Variants in GRAMD1B observed in about 807,000 individuals in gnomAD.
The protein encoded by GRAMD1B is protein Aster-B.
A neutral mutation model predicts 99.7 loss-of-function variants in GRAMD1B; 37 were observed. The ratio of observed to expected loss-of-function variants is 0.37; its 90% CI spans 0.29 to 0.49. GRAMD1B has a LOEUF of 0.49. Ranked by LOEUF, GRAMD1B falls within the 20% of genes least tolerant of loss-of-function variation. The pLI, the probability that GRAMD1B is intolerant of heterozygous loss-of-function variation, is 0.98. For missense variants in GRAMD1B, 888 were observed against 1,009.2 expected, an observed-to-expected ratio of 0.88 and a Z score of 1.63; for synonymous variants, 427 against 387.6, an observed-to-expected ratio of 1.10 and a Z score of -1.19.
intron 2 of GRAMD1B, among the ~76,000 whole-genome samples, chr11:123,576,342 C>T (rs562439650): frequency 2.0e-5 from 3 of 152,216 alleles, no homozygotes; most frequent in Non-Finnish European, 2.9e-5. Context: ...CCAGCAGCCC[C>T]GTGCAGGCTT....
At chr11:123,408,678 A>T (rs978536838) in intron 1 of GRAMD1B, among the ~76,000 whole-genome samples, 1 of 152,258 alleles carries the variant, frequency 6.6e-6, no homozygotes, top group African/African-American at 2.4e-5. Context: ...AAGACTACCT[A>T]TGTGCTTAGG....
At chr11:123,482,305 G>C (rs11219167) in intron 2 of GRAMD1B, among the ~76,000 whole-genome samples, 12,579 of 152,020 alleles carry the variant, frequency 0.083, 692 homozygotes, top group South Asian at 0.16. Flanking sequence ...CCCCATGTTG[G>C]TCAGGCTGGT....
At chr11:123,533,394 T>G (rs1051401558) in intron 2 of GRAMD1B, among the ~76,000 whole-genome samples, 1 of 152,138 alleles carries the variant, frequency 6.6e-6, no homozygotes, top group African/African-American at 2.4e-5. Context: ...TAACATTTAA[T>G]TCACTCTATA....
At chr11:123,583,444 G>A (rs117432293) in intron 3 of GRAMD1B, among the ~76,000 whole-genome samples, 2,028 of 152,098 alleles carry the variant, frequency 0.013, 42 homozygotes, top group Non-Finnish European at 0.02. Context: ...GTATTTGTGC[G>A]TGTATGTGTA....
Position 123,614,811 on chromosome 11 carries a change from A to T in GRAMD1B, c.2294A>T (p.Lys765Met). The stretch of plus-strand genomic sequence containing the variant: ...GGTTTCCACCTGCAGAGCGTGTCCA[A>T]GCTGCTGCTGGTTATCAGCTGTGTG... The part of the protein sequence containing the change: ...PNGFHLQSVS[K>M]LLLVISCVLV... The change falls in exon 17 of 20, where the codon AAG (lysine) becomes ATG (methionine). Residue 765 changes from lysine (K) to methionine (M), a missense_variant. Physicochemically the swap from Lys to Met is moderately conservative, Grantham distance 95. This residue lies in a region of GRAMD1B where 232 missense variants were observed against 261.7 expected (regional missense o/e 0.89). Transcript: ENST00000635736. 1 of 1,610,424 alleles carries T rather than the reference A, an allele frequency of 6.2e-7. No homozygotes were observed. Among genetic ancestry groups the T allele is most frequent in the Non-Finnish European group, 8.5e-7 (1 of 1,176,854 alleles).
At chr11:123,481,389 G>T (rs35384622) in intron 2 of GRAMD1B, among the ~76,000 whole-genome samples, 3 of 152,192 alleles carry the variant, frequency 2.0e-5, no homozygotes, top group African/African-American at 7.2e-5. Flanking sequence ...GGGAGGCAGA[G>T]GTTGCAGTGA....
intron 1 of GRAMD1B, among the ~76,000 whole-genome samples, chr11:123,424,375 T>C (rs1456168847): frequency 6.6e-6 from 1 of 152,160 alleles, no homozygotes. Flanking sequence ...CTCGCACCTG[T>C]AATCCCAGCA....
In GRAMD1B at chr11:123,430,959, T is replaced by G. The variant is rs536434471; in HGVS notation, c.167T>G (p.Leu56Arg). The G allele has an allele frequency of 1.4e-6, 1 of 702,670 alleles. No individual in the cohort carries two copies. Among genetic ancestry groups the G allele is most frequent in the Non-Finnish European group, 2.6e-6 (1 of 384,874 alleles). The allele number at this position is 702,670 out of a possible 1,614,324, so 43.5% of individuals were successfully genotyped here. Residue 56 changes from leucine to arginine, a missense_variant, in exon 1 of 20, where the codon CTG (leucine) becomes CGG (arginine). Leu to Arg is a moderately radical substitution (Grantham distance 102). Around this residue, in one of 5 missense-constraint regions of GRAMD1B, gnomAD observed 233 missense variants for 154.6 expected, o/e 1.51. Transcript: ENST00000635736. ...ATGAAGAACGTACAGGAGCAGAGCC[T>G]GGAGGCCGGGCTGGCCCGGGACCTG... ...RRMKNVQEQS[L>R]EAGLARDLPA...
chr11:123,609,416 AGAGGGCACGCT>A (rs1328858741), intron 12 of GRAMD1B, among the ~76,000 whole-genome samples: 16 of 152,052 alleles, frequency 1.1e-4, no homozygotes, highest in Admixed American at 1.0e-3. Flanking sequence ...TGCCAAGAGG[AGAGGGCACGCT>A]GAGGGCACGG....
In GRAMD1B at chr11:123,603,578, G is replaced by A. The variant is rs746131681; in HGVS notation, c.1166+37G>A. ...CAAGGGCGGCTGCCCAGAGGCAGCC[G>A]TGCGAGTGCCTGCAGGAAGAACCTG... On this transcript the variant is annotated intron_variant, in intron 9 of 19. Transcript: ENST00000635736. 191 of 1,230,570 alleles carry A rather than the reference G, an allele frequency of 1.6e-4. No individual in the cohort carries two copies. The East Asian group carries it at 3.4e-3, about 22-fold the overall frequency. The allele number at this position is 1,230,570 out of a possible 1,614,324, so 76.2% of individuals were successfully genotyped here. A position where few individuals can be genotyped will look rare whatever the true frequency, so the allele number is the denominator to read the frequency against.
rs562372477 is a variant in GRAMD1B at position 123,589,024 on chromosome 11, C to T, written c.684+4692C>T. 5.5e-4 allele frequency among the ~76,000 whole-genome samples: 84 copies of T among 151,822 alleles called. No individual in the cohort carries two copies. In the South Asian group the frequency reaches 0.012, roughly 22 times the overall value. On this transcript the variant is annotated intron_variant, in intron 4 of 19. Transcript: ENST00000635736. Reference sequence around the variant, plus strand: ...ATATAATATTTTAAATAATTTTATGCACAAAGAAAAGTGCTGACTGTGTTC... The same window carrying T: ...ATATAATATTTTAAATAATTTTATGTACAAAGAAAAGTGCTGACTGTGTTC...
chr11:123,491,412 C>T lies in GRAMD1B; in HGVS notation c.452+10519C>T, dbSNP rs371346516. 6.6e-5 allele frequency among the ~76,000 whole-genome samples: 10 copies of T among 152,258 alleles called. No individual in the cohort carries two copies. The East Asian group carries it at 1.7e-3, about 27-fold the overall frequency. ...TCACGGACATTCCCGTGATCCCTTACCATGGGGAGAGAGCCAAGTTGCAAA... is the reference window on the plus strand; with the variant it reads ...TCACGGACATTCCCGTGATCCCTTATCATGGGGAGAGAGCCAAGTTGCAAA... On this transcript the variant is annotated intron_variant, in intron 2 of 19. Transcript: ENST00000635736.
At chr11:123,535,717 G>T (rs747149575) in intron 2 of GRAMD1B, among the ~76,000 whole-genome samples, 1 of 152,140 alleles carries the variant, frequency 6.6e-6, no homozygotes, top group South Asian at 2.1e-4. Flanking sequence ...TGTATATAAT[G>T]TATCCATACA....
At chr11:123,437,525 T>A (rs1949215573) in intron 1 of GRAMD1B, among the ~76,000 whole-genome samples, 1 of 152,160 alleles carries the variant, frequency 6.6e-6, no homozygotes, top group Admixed American at 6.5e-5. Context: ...ACTGTTACTA[T>A]CTTTTGTACC....
intron 1 of GRAMD1B, among the ~76,000 whole-genome samples, chr11:123,406,726 A>AT (rs1177857551): frequency 1.3e-5 from 2 of 152,210 alleles, no homozygotes; most frequent in East Asian, 1.9e-4. Flanking sequence ...CACATTTTAT[A>AT]TTTTTTAAGA....
At chr11:123,622,364 C>T (rs1202180477) in intron 19 of GRAMD1B, 142 bp from the exon 20 acceptor site, 1 of 617,564 alleles carries the variant, frequency 1.6e-6, no homozygotes, top group African/African-American at 1.8e-5. Context: ...GAGAACCACC[C>T]TTGCTTTAGG....
At chr11:123,448,218 C>T (rs1365704731) in intron 1 of GRAMD1B, among the ~76,000 whole-genome samples, 1 of 151,888 alleles carries the variant, frequency 6.6e-6, no homozygotes, top group Non-Finnish European at 1.5e-5. Flanking sequence ...CCCTTTCTCT[C>T]GCTCACTCTC....
At chr11:123,525,685 C>G (rs1450616442) in intron 2 of GRAMD1B, 1 of 181,544 alleles carries the variant, frequency 5.5e-6, no homozygotes, top group Non-Finnish European at 1.2e-5. Flanking sequence ...AGAGGTGCAG[C>G]TTCTGCTAGG....
At chr11:123,598,499 T>G in intron 7 of GRAMD1B, 1 of 1,274,854 alleles carries the variant, frequency 7.8e-7, no homozygotes, top group Non-Finnish European at 1.1e-6. Flanking sequence ...AAGCAATGTC[T>G]TTGTTCCTCT....
Sources: allele counts gnomAD v4.1 joint callset (sites outside exome capture counted in the v4.1 genomes callset), GRCh38; gene constraint gnomAD v4.1.1; regional missense constraint gnomAD v4.1.1; transcripts MANE v1.5; gene names NCBI Gene and HGNC (gene_info 2026-07-23, HGNC 2026-07-21).